The following ABCC4 variants were observed in gnomAD, a reference collection of about 807,000 sequenced individuals.
The protein encoded by ABCC4 is ATP-binding cassette sub-family C member 4.
A neutral mutation model predicts 168.5 loss-of-function variants in ABCC4; 102 were observed. The ratio of observed to expected loss-of-function variants is 0.61; its 90% confidence interval spans 0.52 to 0.71. The LOEUF (loss-of-function observed/expected upper bound fraction) is 0.71. Ranked by LOEUF, ABCC4 falls within the 30% of genes least tolerant of loss-of-function variation. The pLI is 0.00. For missense variants in ABCC4, 1,402 were observed against 1,605.8 expected (o/e 0.87, Z 2.17); for synonymous variants, 617 against 590.7 (o/e 1.04, Z -0.65).
At chr13:95,025,230 CACCCAT>C (rs1486627077) in intron 30 of ABCC4, among the ~76,000 whole-genome samples, 1 of 64,102 alleles carries the variant, frequency 1.6e-5, no homozygotes, top group African/African-American at 6.6e-5. Flanking sequence ...CCCCCACACA[CACCCAT>C]ACACACACAC....
At chr13:95,180,356 C>T (rs1322253603) in intron 11 of ABCC4, among the ~76,000 whole-genome samples, 7 of 152,090 alleles carry the variant, frequency 4.6e-5, no homozygotes, top group East Asian at 1.9e-4. Flanking sequence ...GAGTTCAAGA[C>T]CAGCCTGGCC....
intron 20 of ABCC4, among the ~76,000 whole-genome samples, chr13:95,095,538 G>A (rs1486169481): frequency 1.3e-5 from 2 of 152,110 alleles, no homozygotes; most frequent in Non-Finnish European, 2.9e-5. Flanking sequence ...GGGGTTTAGG[G>A]GGAAGAGTGG....
chr13:95,074,071 C>A, intron 23 of ABCC4, 143 bp downstream of exon 23: 3 of 664,164 alleles, frequency 4.5e-6, no homozygotes, highest in East Asian at 2.8e-5. Flanking sequence ...TCCTACCCAA[C>A]CTGACACATC....
intron 2 of ABCC4, 52 bp from the exon 3 acceptor site, chr13:95,247,147 A>C: frequency 6.4e-7 from 1 of 1,570,760 alleles, no homozygotes; most frequent in Non-Finnish European, 8.6e-7. Flanking sequence ...CCACAATATA[A>C]AACAGGGGAG....
chr13:95,110,861 G>A (rs1346359113), intron 20 of ABCC4, among the ~76,000 whole-genome samples: 24 of 151,756 alleles, frequency 1.6e-4, no homozygotes, highest in Admixed American at 1.1e-3. Context: ...CCAGCTACTC[G>A]GGAGGCTGAG....
intron 27 of ABCC4, among the ~76,000 whole-genome samples, chr13:95,050,235 C>T (rs1241499397): frequency 6.6e-6 from 1 of 152,192 alleles, no homozygotes; most frequent in Non-Finnish European, 1.5e-5. Flanking sequence ...TACGAGAAGA[C>T]CCTCAGACTC....
At chr13:95,073,022 T>C (rs1331622937) in intron 24 of ABCC4, among the ~76,000 whole-genome samples, 182 bp downstream of exon 24, 1 of 151,838 alleles carries the variant, frequency 6.6e-6, no homozygotes, top group African/African-American at 2.4e-5. Flanking sequence ...ACCATAAGAC[T>C]CAGAAAAAGA....
intron 20 of ABCC4, among the ~76,000 whole-genome samples, chr13:95,109,565 A>G (rs764846927): frequency 7.0e-4 from 106 of 152,348 alleles, no homozygotes; most frequent in Non-Finnish European, 1.1e-3. Context: ...AAATCTATTT[A>G]GATATTTATT....
intron 20 of ABCC4, among the ~76,000 whole-genome samples, chr13:95,092,956 TTCCTGGAAAAATACAACCC>T (rs2139353971): frequency 6.6e-6 from 1 of 152,214 alleles, no homozygotes; most frequent in East Asian, 1.9e-4. Flanking sequence ...GATGGATAAA[TTCCTGGAAAAATACAACCC>T]TCCTAGCTTA....
chr13:95,161,989 G>A (rs899265351), intron 18 of ABCC4, among the ~76,000 whole-genome samples: 1 of 152,156 alleles, frequency 6.6e-6, no homozygotes, highest in African/African-American at 2.4e-5. Context: ...AGACATGAAT[G>A]AGGATCCATT....
At chr13:95,087,224 CAACA>C (rs2034286611) in intron 20 of ABCC4, among the ~76,000 whole-genome samples, 2 of 152,042 alleles carry the variant, frequency 1.3e-5, no homozygotes, top group East Asian at 1.9e-4. Context: ...AACAAACAAA[CAACA>C]AACAAACAAA....
rs116795092 is a variant in ABCC4, at chr13:95,088,357, A to T, written c.2536-5067T>A. 2.4e-3 allele frequency among the ~76,000 whole-genome samples: 361 copies of T among 152,346 alleles called. 1 individual carries two copies. Among genetic ancestry groups the T allele is most frequent in the African/African-American group, 6.2e-3 (259 of 41,586 alleles). The stretch of plus-strand genomic sequence containing the variant: ...AATAACTGATATAACAAGCACATAA[A>T]AATCGACAGAGAAAATTTGAAAACA... On this transcript the variant is annotated intron_variant, in intron 20 of 30. Transcript: ENST00000645237.
intron 20 of ABCC4, among the ~76,000 whole-genome samples, chr13:95,111,288 C>G (rs947032627): frequency 2.0e-5 from 3 of 152,280 alleles, no homozygotes; most frequent in African/African-American, 7.2e-5. Context: ...AAAAAGCAGA[C>G]AAGAAAAACA....
intron 4 of ABCC4, among the ~76,000 whole-genome samples, chr13:95,221,539 T>C (rs1023508015): frequency 6.6e-6 from 1 of 152,090 alleles, no homozygotes; most frequent in African/African-American, 2.4e-5. Flanking sequence ...GTTATGTATA[T>C]TTTACCACAA....
At chr13:95,029,184 A>ATCTATATC (rs1566355134) in intron 30 of ABCC4, among the ~76,000 whole-genome samples, 3 of 74,800 alleles carry the variant, frequency 4.0e-5, no homozygotes, top group African/African-American at 1.9e-4. Context: ...ATATATATAT[A>ATCTATATC]TATATATATA....
chr13:95,087,916 T>C (rs2034309471), intron 20 of ABCC4, among the ~76,000 whole-genome samples: 2 of 152,228 alleles, frequency 1.3e-5, no homozygotes, highest in Non-Finnish European at 2.9e-5. Context: ...TTATGGAGTG[T>C]TGGTATGTCT....
chr13:95,291,496 G>C (rs1211374228), intron 1 of ABCC4, among the ~76,000 whole-genome samples: 3 of 152,128 alleles, frequency 2.0e-5, no homozygotes, highest in Non-Finnish European at 4.4e-5. Flanking sequence ...GTTGATTAGT[G>C]GATCTGCCAC....
chr13:95,057,776 C>G (rs1199101992), intron 26 of ABCC4, among the ~76,000 whole-genome samples: 1 of 152,254 alleles, frequency 6.6e-6, no homozygotes, highest in Non-Finnish European at 1.5e-5. Flanking sequence ...GCAGGCTAGA[C>G]TTGCCCAAAC....
At chr13:95,231,319 A>G (rs1323505793) in intron 4 of ABCC4, among the ~76,000 whole-genome samples, 1 of 152,252 alleles carries the variant, frequency 6.6e-6, no homozygotes, top group African/African-American at 2.4e-5. Context: ...AATAAGAAGA[A>G]AAATTAATGA....
Sources: gnomAD v4.1 joint callset for allele counts (sites outside exome capture counted in the v4.1 genomes callset) on GRCh38, gnomAD v4.1.1 for gene constraint, MANE v1.5 for transcripts, NCBI Gene and HGNC (gene_info 2026-07-23, HGNC 2026-07-21) for gene names.